CD2AP: variants seen among roughly 807,000 people sequenced by gnomAD.
CD2AP encodes the protein CD2-associated protein.
In CD2AP, 46 loss-of-function variants were observed where a neutral mutation model predicts 85.1. That is an observed-to-expected ratio of 0.54 (90% CI 0.43 to 0.69). The LOEUF (loss-of-function observed/expected upper bound fraction) is 0.69, where lower values mean the gene tolerates loss of function less well. CD2AP is among the 30% of genes least tolerant of loss of function. The probability of loss-of-function intolerance (pLI) is 0.00; values close to 1 mark genes in which losing one functional copy is unlikely to be tolerated. For synonymous variants in CD2AP, 255 were observed against 252.9 expected, an observed-to-expected ratio of 1.01 and a Z score of -0.08; for missense variants, 769 against 729.5, an observed-to-expected ratio of 1.05 and a Z score of -0.62.
chr6:47,582,270 A>G, intron 11 of CD2AP: 1 of 495,308 alleles, frequency 2.0e-6, no homozygotes, highest in Non-Finnish European at 3.7e-6. Context: ...TAAACTATTC[A>G]GTAGGATGTT....
At chr6:47,509,244 A>G (rs1766255580) in intron 2 of CD2AP, among the ~76,000 whole-genome samples, 1 of 152,200 alleles carries the variant, frequency 6.6e-6, no homozygotes, top group South Asian at 2.1e-4. Flanking sequence ...ACAGTTTGAG[A>G]TACCTCAAAA....
intron 4 of CD2AP, among the ~76,000 whole-genome samples, chr6:47,547,100 TA>T (rs988846682): frequency 6.6e-6 from 1 of 151,916 alleles, no homozygotes; most frequent in Non-Finnish European, 1.5e-5. Context: ...ACAGGACCTA[TA>T]AAACAAAAAT....
At chr6:47,535,865 C>T (rs1170352704) in intron 3 of CD2AP, among the ~76,000 whole-genome samples, 1 of 152,144 alleles carries the variant, frequency 6.6e-6, no homozygotes, top group Admixed American at 6.5e-5. Flanking sequence ...TTCTTTCACT[C>T]TAGGGAGCTA....
At chr6:47,591,717 A>G (rs1768798104) in intron 11 of CD2AP, among the ~76,000 whole-genome samples, 1 of 152,154 alleles carries the variant, frequency 6.6e-6, no homozygotes, top group African/African-American at 2.4e-5. Context: ...GTATTGCTAT[A>G]TTCTGAAGCA....
At chr6:47,595,814 T>C (rs1381029763) in intron 11 of CD2AP, 47 bp from the exon 12 acceptor site, 1 of 1,547,476 alleles carries the variant, frequency 6.5e-7, no homozygotes, top group Admixed American at 1.7e-5. Flanking sequence ...TAGAAAAACC[T>C]AAATAATTTT....
chr6:47,564,089 C>G (rs772798526), intron 5 of CD2AP, among the ~76,000 whole-genome samples: 1 of 152,038 alleles, frequency 6.6e-6, no homozygotes, highest in South Asian at 2.1e-4. Flanking sequence ...TTTGAGAGTA[C>G]TCGATAACAA....
chr6:47,603,866 T>C (rs2114142856), intron 13 of CD2AP, among the ~76,000 whole-genome samples: 1 of 152,202 alleles, frequency 6.6e-6, no homozygotes, highest in East Asian at 1.9e-4. Flanking sequence ...ATCAAAATAG[T>C]ATTTTCAATA....
At chr6:47,518,851 CTCT>C (rs1766514878) in intron 2 of CD2AP, among the ~76,000 whole-genome samples, 1 of 152,160 alleles carries the variant, frequency 6.6e-6, no homozygotes, top group South Asian at 2.1e-4. Context: ...GATAGTGGGT[CTCT>C]TCAGTATTCC....
intron 2 of CD2AP, among the ~76,000 whole-genome samples, chr6:47,511,098 AAAG>A (rs1766302842): frequency 7.6e-6 from 1 of 131,400 alleles, no homozygotes; most frequent in African/African-American, 2.8e-5. Flanking sequence ...AAAAAAAAAA[AAAG>A]GAATAGATGG....
chr6:47,531,778 A>G (rs1046927166), intron 2 of CD2AP, among the ~76,000 whole-genome samples: 1 of 152,128 alleles, frequency 6.6e-6, no homozygotes, highest in Admixed American at 6.6e-5. Context: ...TATGTTTTAT[A>G]AGAATCCTTT....
In CD2AP at chr6:47,544,707, G is replaced by A. The variant is rs1248472561; in HGVS notation, c.420+1G>A. 4 of 1,573,126 alleles carry A rather than the reference G, an allele frequency of 2.5e-6. No homozygotes were observed. The highest frequency in any genetic ancestry group is 3.5e-6 in the Non-Finnish European group (4 of 1,143,196). On this transcript the variant is annotated splice_donor_variant, in intron 4 of 17. Transcript: ENST00000359314. LOFTEE classifies it high-confidence loss of function. ...AGATATTATTGATATTAATGAAGAGGTAAGGAAAAAATGTGTTACAGGTAA... is the reference window on the plus strand; with the variant it reads ...AGATATTATTGATATTAATGAAGAGATAAGGAAAAAATGTGTTACAGGTAA...
Position 47,498,402 on chromosome 6 carries a change from G to A in CD2AP, c.5-4878G>A, listed in dbSNP as rs972594338. Among the ~76,000 whole-genome samples, 7 of 152,104 alleles carry A rather than the reference G, an allele frequency of 4.6e-5. No individual in the cohort carries two copies. In the South Asian group the frequency reaches 1.0e-3, roughly 23 times the overall value. On this transcript the variant is annotated intron_variant, in intron 1 of 17. Transcript: ENST00000359314. ...TTTATTGTTATTATGAAATTGCACC[G>A]AATATGAATACGTTTTAAAATTTGT...
chr6:47,528,340 A>C (rs1766783681), intron 2 of CD2AP, among the ~76,000 whole-genome samples: 1 of 151,990 alleles, frequency 6.6e-6, no homozygotes, highest in African/African-American at 2.4e-5. Flanking sequence ...ACGCCTGGCT[A>C]ATTTTTGTAT....
At chr6:47,522,656 A>C (rs1468788194) in intron 2 of CD2AP, among the ~76,000 whole-genome samples, 1 of 152,152 alleles carries the variant, frequency 6.6e-6, no homozygotes, top group Non-Finnish European at 1.5e-5. Context: ...GAAGCTGACA[A>C]ATGAATAAAA....
intron 1 of CD2AP, 63 bp from the exon 2 acceptor site, chr6:47,503,217 A>C: frequency 2.1e-6 from 3 of 1,419,034 alleles, no homozygotes; most frequent in Non-Finnish European, 3.0e-6. Flanking sequence ...TAAATTTATT[A>C]ATATAGTTTA....
Position 47,597,065 on chromosome 6 carries a change from A to G in CD2AP, c.1274+1039A>G, listed in dbSNP as rs962898917. 1.2e-4 allele frequency among the ~76,000 whole-genome samples: 18 copies of G among 151,540 alleles called. 1 individual carries two copies. Among genetic ancestry groups the G allele is most frequent in the African/African-American group, 3.9e-4 (16 of 41,488 alleles). On this transcript the variant is annotated intron_variant, in intron 12 of 17. Transcript: ENST00000359314. ...GAATTTTATTGGAGCTTTGGTTATT[A>G]AAATGCATCAGTAAATTCCCAGGGT...
intron 6 of CD2AP, among the ~76,000 whole-genome samples, chr6:47,575,826 A>G (rs1253990000): frequency 6.6e-6 from 1 of 152,116 alleles, no homozygotes; most frequent in Non-Finnish European, 1.5e-5. Flanking sequence ...TCAGATAGCA[A>G]TGAAGTATAA....
intron 2 of CD2AP, among the ~76,000 whole-genome samples, chr6:47,512,946 A>C (rs1314149598): frequency 6.6e-6 from 1 of 152,230 alleles, no homozygotes; most frequent in Admixed American, 6.5e-5. Flanking sequence ...ATGGATACAT[A>C]ATGTAGTTGC....
intron 2 of CD2AP, among the ~76,000 whole-genome samples, chr6:47,517,284 CT>C (rs746217015): frequency 0.021 from 2,942 of 141,254 alleles, 84 homozygotes; most frequent in African/African-American, 0.061. Flanking sequence ...AATTAAACTT[CT>C]TTTTTTTTTT....
Sources: allele counts gnomAD v4.1 joint callset (sites outside exome capture counted in the v4.1 genomes callset), GRCh38; gene constraint gnomAD v4.1.1; transcripts MANE v1.5; gene names NCBI Gene and HGNC (gene_info 2026-07-23, HGNC 2026-07-21).